The following CD300LF variants were observed in gnomAD, a reference collection of about 807,000 sequenced individuals.
CD300LF encodes the protein CD300 molecule like family member f, also known as CMRF35-like molecule 1.
Under a neutral mutation model 32.2 loss-of-function variants are expected in CD300LF, and 27 were observed. That is an observed-to-expected ratio of 0.84 (90% CI 0.62 to 1.15). The LOEUF (loss-of-function observed/expected upper bound fraction) is 1.15, where lower values mean the gene tolerates loss of function less well. Ranked by LOEUF, CD300LF falls within the 50% of genes most tolerant of loss-of-function variation. CD300LF has a pLI of 0.00. For synonymous variants in CD300LF, 139 were observed against 143.2 expected, an observed-to-expected ratio of 0.97 and a Z score of 0.21; for missense variants, 348 against 356.8, an observed-to-expected ratio of 0.98 and a Z score of 0.20.
chr17:74,707,519 A>T (rs1567796967), intron 1 of CD300LF, among the ~76,000 whole-genome samples: 1 of 152,192 alleles, frequency 6.6e-6, no homozygotes, highest in Non-Finnish European at 1.5e-5. Flanking sequence ...GTTTGAGACC[A>T]GCCTAGGCAA....
intron 5 of CD300LF, 86 bp from the exon 6 acceptor site, chr17:74,695,945 TCTCCACTTCCCCAGGTGCCC>T: frequency 6.8e-7 from 1 of 1,476,038 alleles, no homozygotes; most frequent in Non-Finnish European, 9.2e-7. Flanking sequence ...GACGAGAGCC[TCTCCACTTCCCCAGGTGCCC>T]CTCTCCCATT....
chr17:74,699,208 C>T (rs889650197), intron 3 of CD300LF, among the ~76,000 whole-genome samples: 15 of 152,242 alleles, frequency 9.9e-5, no homozygotes, highest in Admixed American at 5.9e-4. Context: ...TGAGCCACAG[C>T]GCCCGGCCTT....
intron 1 of CD300LF, among the ~76,000 whole-genome samples, chr17:74,712,177 C>T (rs1480174737): frequency 1.3e-5 from 2 of 152,080 alleles, no homozygotes; most frequent in Non-Finnish European, 2.9e-5. Context: ...GCTGGGATTA[C>T]AGGAATGAGC....
chr17:74,700,806 C>G (rs971349552), intron 3 of CD300LF, among the ~76,000 whole-genome samples: 1 of 152,054 alleles, frequency 6.6e-6, no homozygotes, highest in Non-Finnish European at 1.5e-5. Context: ...TTGTACACCA[C>G]CACCCCCCCA....
intron 1 of CD300LF, among the ~76,000 whole-genome samples, chr17:74,708,872 C>A (rs1033276076): frequency 6.7e-6 from 1 of 149,650 alleles, no homozygotes; most frequent in Non-Finnish European, 1.5e-5. Context: ...GCCGAGATCG[C>A]GCCACTGCAC....
Position 74,712,911 on chromosome 17 carries a change from G to A in CD300LF, c.-45C>T. 4.4e-6 allele frequency: 7 copies of A among 1,601,852 alleles called. No individual in the cohort carries two copies. The highest frequency in any genetic ancestry group is 1.7e-4 in the Middle Eastern group (1 of 6,030). Reference sequence around the variant, plus strand: ...CCGTTCCCCTCAGTGGAGCCTGGCAGCAGGAACAAACTACAGACTCCCAGC... The same window carrying A: ...CCGTTCCCCTCAGTGGAGCCTGGCAACAGGAACAAACTACAGACTCCCAGC... On this transcript the variant is annotated 5_prime_UTR_variant, in exon 1 of 7. Coordinates refer to ENST00000326165, the MANE Select transcript of CD300LF (RefSeq NM_139018.5).
intron 3 of CD300LF, among the ~76,000 whole-genome samples, chr17:74,700,995 G>A (rs1453269211): frequency 6.6e-6 from 1 of 152,122 alleles, no homozygotes; most frequent in Non-Finnish European, 1.5e-5. Flanking sequence ...GGACGACCAC[G>A]TGAACACATA....
At chr17:74,710,073 G>A (rs1249175677) in intron 1 of CD300LF, among the ~76,000 whole-genome samples, 2 of 152,102 alleles carry the variant, frequency 1.3e-5, no homozygotes, top group African/African-American at 4.8e-5. Flanking sequence ...CCGCCTCCCG[G>A]GTTCACGCCA....
intron 3 of CD300LF, among the ~76,000 whole-genome samples, chr17:74,699,471 C>G (rs2032837812): frequency 1.3e-5 from 2 of 152,116 alleles, no homozygotes; most frequent in Non-Finnish European, 2.9e-5. Context: ...CCTGATCCAG[C>G]GACTGGTGTC....
At chr17:74,700,479 A>G (rs781362819) in intron 3 of CD300LF, among the ~76,000 whole-genome samples, 77 of 152,076 alleles carry the variant, frequency 5.1e-4, no homozygotes, top group Non-Finnish European at 9.9e-4. Context: ...GGTGGCTTAC[A>G]CCTGTAATCC....
chr17:74,694,731 T>C lies in CD300LF; in HGVS notation c.*365A>G, dbSNP rs2032267628. On this transcript the variant is annotated 3_prime_UTR_variant, in exon 7 of 7. Transcript: ENST00000326165. The stretch of plus-strand genomic sequence containing the variant: ...ACACAGATATCTTTGGGGGCCATTA[T>C]TCAGCCCATAACATGTGGTAGGCAA... 1 of 171,258 alleles carries C rather than the reference T, an allele frequency of 5.8e-6. No individual in the cohort carries two copies. Among genetic ancestry groups the C allele is most frequent in the African/African-American group, 2.4e-5 (1 of 42,076 alleles). 10.6% of individuals were successfully genotyped at this position (171,258 alleles called of 1,614,324 possible). A position where few individuals can be genotyped will look rare whatever the true frequency, so the allele number is the denominator to read the frequency against.
chr17:74,704,816 C>A lies in CD300LF; in HGVS notation c.44G>T (p.Gly15Val), dbSNP rs958751860. 6.2e-7 allele frequency: 1 copy of A among 1,607,908 alleles called. No individual in the cohort carries two copies. The highest frequency in any genetic ancestry group is 8.5e-7 in the Non-Finnish European group (1 of 1,175,498). Residue 15 changes from glycine (G) to valine (V), a missense_variant and splice_region_variant, in exon 2 of 7, where the codon GGC (glycine) becomes GTC (valine). Coordinates refer to ENST00000326165, the MANE Select transcript of CD300LF (RefSeq NM_139018.5). ...GGTGATTTGAGTGACAATGGAGTAG[C>A]CTGGAAAACACAAATTCATGTGCTG... Reference protein sequence around the residue: ...TLYLLLFWLSGYSIVTQITGP... With the variant: ...TLYLLLFWLSVYSIVTQITGP...
intron 1 of CD300LF, among the ~76,000 whole-genome samples, chr17:74,707,165 A>C (rs765471081): frequency 6.6e-5 from 10 of 152,238 alleles, no homozygotes; most frequent in Non-Finnish European, 1.5e-4. Flanking sequence ...GCTTCTGCAC[A>C]GCAAAGGAAA....
rs766528360 is a variant in CD300LF, at chr17:74,695,846, A to T, written c.596T>A (p.Leu199Gln). 6.2e-7 allele frequency: 1 copy of T among 1,613,806 alleles called. No individual in the cohort carries two copies. Among genetic ancestry groups the T allele is most frequent in the East Asian group, 2.2e-5 (1 of 44,874 alleles). The change falls in exon 6 of 7, where the codon CTG (leucine) becomes CAG (glutamine). Residue 199 changes from leucine (L) to glutamine (Q), a missense_variant. Coordinates refer to ENST00000326165, the MANE Select transcript of CD300LF (RefSeq NM_139018.5). ...GMSPEQVLQPLEGDLCYADLT... is the reference protein window; with the variant it reads ...GMSPEQVLQPQEGDLCYADLT... ...GTCTGCATAGCAGAGGTCGCCCTCCAGGGGCTGCAGTACCTGGGACAGGGA... is the reference window on the plus strand; with the variant it reads ...GTCTGCATAGCAGAGGTCGCCCTCCTGGGGCTGCAGTACCTGGGACAGGGA...
At chr17:74,701,780 G>A (rs2033068427) in intron 3 of CD300LF, among the ~76,000 whole-genome samples, 1 of 151,592 alleles carries the variant, frequency 6.6e-6, no homozygotes, top group Non-Finnish European at 1.5e-5. Flanking sequence ...AACCTGGGAG[G>A]TGGAAGTTGC....
rs745858615 is a variant in CD300LF at position 74,698,405 on chromosome 17, G to A, written c.523C>T (p.Leu175Phe). The A allele has an allele frequency of 9.3e-6, 15 of 1,613,854 alleles. No homozygotes were observed. The highest frequency in any genetic ancestry group is 1.2e-5 in the Non-Finnish European group (14 of 1,179,950). Reference sequence around the variant, plus strand: ...TACTTCATCATCCTCCAAGCCAAGAGTGAGGCGGCCACCAAAAGCAGCAGC... The same window carrying A: ...TACTTCATCATCCTCCAAGCCAAGAATGAGGCGGCCACCAAAAGCAGCAGC... ...ILLLLLVAAS[L>F]LAWRMMKYQQ... The change falls in exon 4 of 7, where the codon CTC becomes TTC. Residue 175 changes from leucine (L) to phenylalanine (F), a missense_variant. By Grantham distance (22) the Leu-to-Phe change is conservative (BLOSUM62 0). Coordinates refer to ENST00000326165, the MANE Select transcript of CD300LF (RefSeq NM_139018.5).
intron 1 of CD300LF, among the ~76,000 whole-genome samples, chr17:74,706,433 A>G (rs989021658): frequency 2.0e-5 from 3 of 151,432 alleles, no homozygotes; most frequent in Non-Finnish European, 4.4e-5. Flanking sequence ...AAGAACATAT[A>G]TATATAAATT....
In CD300LF at chr17:74,698,222, T is replaced by C. The variant is rs188534637; in HGVS notation, c.559+147A>G. 947 of 652,010 alleles carry C rather than the reference T, an allele frequency of 1.5e-3. 7 individuals carry two copies. In the African/African-American group the frequency reaches 0.015, roughly 10 times the overall value. 40.4% of individuals were successfully genotyped at this position (652,010 alleles called of 1,614,324 possible). A position where few individuals can be genotyped will look rare whatever the true frequency, so the allele number is the denominator to read the frequency against. ...CTGCAAGCTCCAGGGCGCCCCCCGG[T>C]CCCCTGGCACTGCCAGCTGCTGAGG... On this transcript the variant is annotated intron_variant, in intron 4 of 6. Coordinates refer to ENST00000326165, the MANE Select transcript of CD300LF (RefSeq NM_139018.5).
Position 74,695,102 on chromosome 17 carries a change from C to A in CD300LF, c.867G>T (p.Arg289Ser). Residue 289 changes from arginine to serine, a missense_variant, in exon 7 of 7, where the codon AGG becomes AGT. Transcript: ENST00000326165. ...AAGGAGCCTGGAGTGCAGGCTAAGGCCTGCTGATGGTGCTGTATTCCGTGG... is the reference window on the plus strand; with the variant it reads ...AAGGAGCCTGGAGTGCAGGCTAAGGACTGCTGATGGTGCTGTATTCCGTGG... ...EEPTEYSTIS[R>S]P The A allele has an allele frequency of 6.2e-7, 1 of 1,613,394 alleles. No homozygotes were observed. The highest frequency in any genetic ancestry group is 8.5e-7 in the Non-Finnish European group (1 of 1,179,650).
Sources: gnomAD v4.1 joint callset for allele counts (sites outside exome capture counted in the v4.1 genomes callset) on GRCh38, gnomAD v4.1.1 for gene constraint, MANE v1.5 for transcripts, NCBI Gene and HGNC (gene_info 2026-07-23, HGNC 2026-07-21) for gene names.